SUSD1: variants seen among roughly 807,000 people sequenced by gnomAD.
SUSD1 encodes sushi domain containing 1.
In SUSD1, 65 loss-of-function variants were observed where a neutral mutation model predicts 86.9. The observed-to-expected ratio is 0.75, with a 90% CI of 0.61 to 0.92. SUSD1 has a LOEUF of 0.92. Among genes scored for constraint, SUSD1 ranks in the 40% least tolerant of loss-of-function variants. The pLI is 0.00. For missense variants in SUSD1, 850 were observed against 929.7 expected (o/e 0.91, Z 1.11); for synonymous variants, 346 against 350.0 (o/e 0.99, Z 0.13).
At chr9:112,158,336 C>T (rs1192044777) in intron 1 of SUSD1, among the ~76,000 whole-genome samples, 1 of 152,176 alleles carries the variant, frequency 6.6e-6, no homozygotes, top group Non-Finnish European at 1.5e-5. Flanking sequence ...AGCACCTATT[C>T]ATATTTTAAG....
rs191599761 is a variant in SUSD1 at position 112,047,544 on chromosome 9, T to G, written c.2149+4855A>C. On this transcript the variant is annotated intron_variant, in intron 15 of 16. Transcript: ENST00000374270. ...TGCTATGGTTTGAGTTTATATCCTCTGAAACTCACTTGAAATTTAATCCTC... is the reference window on the plus strand; with the variant it reads ...TGCTATGGTTTGAGTTTATATCCTCGGAAACTCACTTGAAATTTAATCCTC... Among the ~76,000 whole-genome samples the G allele has an allele frequency of 2.7e-3, 413 of 152,306 alleles. 5 individuals are homozygous for G. The highest frequency in any genetic ancestry group is 1.4e-3 in the Non-Finnish European group (96 of 68,018).
chr9:112,058,580 C>T lies in SUSD1; in HGVS notation c.1957G>A (p.Val653Met), dbSNP rs1828558071. The change falls in exon 14 of 17, where the codon GTG becomes ATG. Residue 653 changes from valine to methionine, a missense_variant. By Grantham distance (21) the Val-to-Met change is conservative (BLOSUM62 1). Transcript: ENST00000374270. ...TCTTTGGCCAGTAGTTCTGCAGCCACGTATCCATCAGCATCAGAGGCGTTG... is the reference window on the plus strand; with the variant it reads ...TCTTTGGCCAGTAGTTCTGCAGCCATGTATCCATCAGCATCAGAGGCGTTG... ...FSNASDADGYVAAELLAKDVP... is the reference protein window; with the variant it reads ...FSNASDADGYMAAELLAKDVP... 4 of 1,614,020 alleles carry T rather than the reference C, an allele frequency of 2.5e-6. No individual in the cohort carries two copies. Among genetic ancestry groups the T allele is most frequent in the Admixed American group, 1.7e-5 (1 of 60,004 alleles).
At chr9:112,073,292 T>C (rs1829365403) in intron 12 of SUSD1, among the ~76,000 whole-genome samples, 1 of 152,206 alleles carries the variant, frequency 6.6e-6, no homozygotes, top group Non-Finnish European at 1.5e-5. Context: ...TTGCCAGCCT[T>C]GGTACTGAAG....
intron 11 of SUSD1, 84 bp from the exon 12 acceptor site, chr9:112,078,808 T>TA: frequency 9.0e-7 from 1 of 1,110,510 alleles, no homozygotes; most frequent in Non-Finnish European, 1.2e-6. Flanking sequence ...CCTTTTTCTT[T>TA]CTCTTTTTTT....
rs1235938441 is a variant in SUSD1, at chr9:112,161,914, G to A, written c.104-4301C>T. ...TGATGAAAAAGTTCTGAAGATGGAT[G>A]GTAGCGATGGTTGCACAACAATATA... On this transcript the variant is annotated intron_variant, in intron 1 of 16. Coordinates refer to ENST00000374270, the MANE Select transcript of SUSD1 (RefSeq NM_022486.5). Among the ~76,000 whole-genome samples, 3 of 152,090 alleles carry A rather than the reference G, an allele frequency of 2.0e-5. No homozygotes were observed. In the East Asian group the frequency reaches 5.8e-4, roughly 29 times the overall value.
chr9:112,080,588 T>G (rs865854350), intron 10 of SUSD1, among the ~76,000 whole-genome samples: 1 of 149,940 alleles, frequency 6.7e-6, no homozygotes, highest in Non-Finnish European at 1.5e-5. Flanking sequence ...CTTGGGAGGC[T>G]GAAGCAGGAG....
At chr9:112,102,630 C>A (rs897809322) in intron 8 of SUSD1, among the ~76,000 whole-genome samples, 9 of 152,158 alleles carry the variant, frequency 5.9e-5, no homozygotes, top group Admixed American at 4.6e-4. Context: ...AATCCTATCG[C>A]TTGGATCGTC....
intron 2 of SUSD1, 144 bp downstream of exon 2, chr9:112,157,356 C>T: frequency 1.7e-6 from 1 of 603,750 alleles, no homozygotes; most frequent in Non-Finnish European, 2.9e-6. Flanking sequence ...AAAACAAAGA[C>T]TTATTATAAT....
intron 5 of SUSD1, among the ~76,000 whole-genome samples, chr9:112,139,217 C>T (rs1832450615): frequency 1.3e-5 from 2 of 151,828 alleles, no homozygotes; most frequent in Non-Finnish European, 2.9e-5. Flanking sequence ...TTTTTACATT[C>T]TTTTTTTTAA....
chr9:112,041,481 T>C lies in SUSD1; in HGVS notation c.*11A>G, dbSNP rs750172263. On this transcript the variant is annotated 3_prime_UTR_variant, in exon 17 of 17. Coordinates refer to ENST00000374270, the MANE Select transcript of SUSD1 (RefSeq NM_022486.5). ...AGCAGTGCATCCTCCCCACTCAGTGTCCATCTGCCATCTAGACATGGAGGA... is the reference window on the plus strand; with the variant it reads ...AGCAGTGCATCCTCCCCACTCAGTGCCCATCTGCCATCTAGACATGGAGGA... 3 of 781,012 alleles carry C rather than the reference T, an allele frequency of 3.8e-6. No individual in the cohort carries two copies. The highest frequency in any genetic ancestry group is 7.2e-6 in the Non-Finnish European group (3 of 418,104). The allele number at this position is 781,012 out of a possible 1,614,324, so 48.4% of individuals were successfully genotyped here.
intron 10 of SUSD1, among the ~76,000 whole-genome samples, chr9:112,091,760 G>T (rs1830214856): frequency 6.6e-6 from 1 of 152,140 alleles, no homozygotes; most frequent in Non-Finnish European, 1.5e-5. Context: ...CATTTGGGGA[G>T]CAGTTTATCT....
intron 1 of SUSD1, among the ~76,000 whole-genome samples, chr9:112,172,768 T>G (rs1834099315): frequency 1.3e-5 from 2 of 152,318 alleles, no homozygotes; most frequent in South Asian, 2.1e-4. Flanking sequence ...CCGTTTCTGC[T>G]GTCATTACTG....
intron 9 of SUSD1, among the ~76,000 whole-genome samples, chr9:112,099,376 C>T (rs982771796): frequency 6.6e-6 from 1 of 151,986 alleles, no homozygotes. Context: ...GTAAGAAATC[C>T]ATGGACAAGC....
intron 5 of SUSD1, among the ~76,000 whole-genome samples, chr9:112,140,127 C>G (rs1202496145): frequency 1.1e-5 from 1 of 89,782 alleles, no homozygotes; most frequent in Admixed American, 1.2e-4. Flanking sequence ...CTTTGGGAGG[C>G]CGAGGCGGGT....
At chr9:112,127,334 C>T (rs1831817827) in intron 5 of SUSD1, among the ~76,000 whole-genome samples, 1 of 152,172 alleles carries the variant, frequency 6.6e-6, no homozygotes, top group Non-Finnish European at 1.5e-5. Flanking sequence ...GATTGTGCTA[C>T]TGCACTCCAG....
chr9:112,056,397 A>G (rs1174603881), intron 14 of SUSD1, among the ~76,000 whole-genome samples: 1 of 152,168 alleles, frequency 6.6e-6, no homozygotes, highest in Non-Finnish European at 1.5e-5. Flanking sequence ...TTGCACAACA[A>G]TGTGAATGAA....
chr9:112,165,808 G>A (rs1168219895), intron 1 of SUSD1, among the ~76,000 whole-genome samples: 1 of 124,012 alleles, frequency 8.1e-6, no homozygotes, highest in Non-Finnish European at 1.9e-5. Flanking sequence ...GAGAAAGAGA[G>A]AGAGAGAAAA....
chr9:112,041,716 A>G (rs1190426225), intron 16 of SUSD1, 151 bp downstream of exon 16: 3 of 744,752 alleles, frequency 4.0e-6, no homozygotes, highest in Non-Finnish European at 4.6e-6. Context: ...AGGGTTAGTC[A>G]TGCCTTTCAC....
Position 112,063,106 on chromosome 9 carries a change from T to C in SUSD1, c.1754-73A>G, listed in dbSNP as rs1589596975. The C allele has an allele frequency of 4.4e-6, 4 of 908,040 alleles. No homozygotes were observed. The East Asian group carries it at 7.3e-5, about 17-fold the overall frequency. 56.2% of individuals were successfully genotyped at this position (908,040 alleles called of 1,614,324 possible). A position where few individuals can be genotyped will look rare whatever the true frequency, so the allele number is the denominator to read the frequency against. On this transcript the variant is annotated intron_variant, in intron 12 of 16. Transcript: ENST00000374270. ...AACAGCAGGACAAAAGAGGTCCTCG[T>C]GAGGGCTATCAAAAAGAAAGTTTTA...
Sources: allele counts gnomAD v4.1 joint callset (sites outside exome capture counted in the v4.1 genomes callset), GRCh38; gene constraint gnomAD v4.1.1; transcripts MANE v1.5; gene names NCBI Gene and HGNC (gene_info 2026-07-23, HGNC 2026-07-21).